ROGDI: variants seen among roughly 807,000 people sequenced by gnomAD.
The protein encoded by ROGDI is rogdi atypical leucine zipper, also known as protein rogdi homolog.
ROGDI carries 46 observed loss-of-function variants against 43.1 expected under a neutral mutation model. The observed-to-expected ratio is 1.07, with a 90% CI of 0.84 to 1.37. ROGDI has a LOEUF of 1.37. ROGDI is among the 40% of genes most tolerant of loss of function. ROGDI has a pLI of 0.00. For missense variants in ROGDI, 518 were observed against 383.9 expected (o/e 1.35, Z -2.92); for synonymous variants, 243 against 162.0 (o/e 1.50, Z -3.80).
intron 2 of ROGDI, 42 bp downstream of exon 2, chr16:4,802,340 G>A (rs940683933): frequency 2.7e-6 from 4 of 1,508,828 alleles, no homozygotes; most frequent in Admixed American, 2.1e-5. Context: ...AAATGAGGAG[G>A]GAGGGCCGCC....
chr16:4,801,658 C>T, intron 2 of ROGDI, 73 bp from the exon 3 acceptor site: 2 of 1,377,386 alleles, frequency 1.5e-6, no homozygotes, highest in South Asian at 2.5e-5. Context: ...TCCAGAAGCC[C>T]CCCTCCCTCC....
At chr16:4,798,849 G>A (rs1353675791) in intron 6 of ROGDI, 182 bp from the exon 7 acceptor site, 1 of 603,078 alleles carries the variant, frequency 1.7e-6, no homozygotes, top group African/African-American at 1.9e-5. Context: ...GAGGAGGGCA[G>A]GATGTCTGCA....
chr16:4,798,999 A>T (rs967938589), intron 6 of ROGDI, among the ~76,000 whole-genome samples: 1 of 152,128 alleles, frequency 6.6e-6, no homozygotes, highest in Admixed American at 6.5e-5. Context: ...GGTTGGTTGT[A>T]AAGGGCCAGA....
intron 5 of ROGDI, among the ~76,000 whole-genome samples, chr16:4,800,124 G>A (rs1445945156): frequency 1.3e-5 from 2 of 152,166 alleles, no homozygotes; most frequent in Non-Finnish European, 2.9e-5. Context: ...GAGGAGGCTG[G>A]GGCCCATTGG....
intron 6 of ROGDI, chr16:4,798,921 G>A: frequency 1.9e-6 from 1 of 527,440 alleles, no homozygotes; most frequent in Admixed American, 3.8e-5. Context: ...GGATCAATGG[G>A]GAATGGAAGG....
intron 6 of ROGDI, 43 bp downstream of exon 6, chr16:4,799,643 A>G (rs1274803229): frequency 6.8e-7 from 1 of 1,470,162 alleles, no homozygotes; most frequent in Admixed American, 1.8e-5. Context: ...CCGGATCAAG[A>G]ACGTGGGACT....
Position 4,801,321 on chromosome 16 carries a change from G to A in ROGDI, c.201C>T (p.Gly67=), listed in dbSNP as rs747598436. Residue 67 remains glycine, a splice_region_variant and synonymous_variant, in exon 4 of 11, where the codon GGC becomes GGT. Coordinates refer to ENST00000322048, the MANE Select transcript of ROGDI (RefSeq NM_024589.3). ...KQENFILGSC[G]TDQVKGVLTL... ...TCAGCACACCCTTCACCTGGTCTGT[G>A]CTGTAACATGTGGCGTCAGAGCGGT... is the stretch of plus-strand genomic sequence containing the variant. 1 of 1,605,802 alleles carries A rather than the reference G, an allele frequency of 6.2e-7. No homozygotes were observed. Among genetic ancestry groups the A allele is most frequent in the Non-Finnish European group, 8.5e-7 (1 of 1,174,092 alleles).
intron 2 of ROGDI, 139 bp from the exon 3 acceptor site, chr16:4,801,724 T>A: frequency 1.3e-6 from 1 of 762,210 alleles, no homozygotes; most frequent in Non-Finnish European, 2.2e-6. Context: ...TCAGCTGGGG[T>A]GGGAAGACCC....
chr16:4,801,482 T>G (rs1410531966), intron 3 of ROGDI, 21 bp downstream of exon 3: 1 of 1,593,648 alleles, frequency 6.3e-7, no homozygotes, highest in East Asian at 2.3e-5. Context: ...TTTCCCCGGT[T>G]TCCGCCTAGC....
At chr16:4,797,906 C>A (rs1347259010) in intron 9 of ROGDI, 32 bp downstream of exon 9, 2 of 1,599,824 alleles carry the variant, frequency 1.3e-6, no homozygotes, top group African/African-American at 2.7e-5. Flanking sequence ...ATGGGGTGGG[C>A]GTGCCTGGAC....
intron 6 of ROGDI, 112 bp downstream of exon 6, chr16:4,799,574 G>A (rs1482677467): frequency 1.3e-5 from 9 of 690,624 alleles, no homozygotes; most frequent in African/African-American, 3.6e-5. Flanking sequence ...CGGCAGGTAA[G>A]TGCTTACAGG....
rs1367620448 is a variant in ROGDI, at chr16:4,801,170, C to T, written c.255+97G>A. The T allele has an allele frequency of 3.0e-6, 3 of 1,008,626 alleles. No individual in the cohort carries two copies. In the South Asian group the frequency reaches 5.0e-5, roughly 17 times the overall value. The allele number at this position is 1,008,626 out of a possible 1,614,324, so 62.5% of individuals were successfully genotyped here. ...AACTGAGGCCAGAGAGATCAAGGGT[C>T]CCGCCCAGAGTCGCAGGGCTTGTAC... On this transcript the variant is annotated intron_variant, in intron 4 of 10. Coordinates refer to ENST00000322048, the MANE Select transcript of ROGDI (RefSeq NM_024589.3).
At chr16:4,800,273 G>A (rs541702453) in intron 5 of ROGDI, among the ~76,000 whole-genome samples, 4 of 152,160 alleles carry the variant, frequency 2.6e-5, no homozygotes, top group Non-Finnish European at 5.9e-5. Context: ...CCACAGTCCC[G>A]ATGTGGCCCT....
chr16:4,797,522 G>T, intron 10 of ROGDI, 21 bp from the exon 11 acceptor site: 1 of 1,610,474 alleles, frequency 6.2e-7, no homozygotes, highest in South Asian at 1.1e-5. Context: ...AGAGGGTGCT[G>T]TAGGTTGCTG....
In ROGDI at chr16:4,802,375, T is replaced by A. The variant is rs1394907212; in HGVS notation, c.117+7A>T. The stretch of plus-strand genomic sequence containing the variant: ...CACGCCCGGCGGGGCAGGGCGCGGG[T>A]CGTTACCTTGAGGATGTCCTGCAGC... On this transcript the variant is annotated splice_region_variant and intron_variant, in intron 2 of 10. Coordinates refer to ENST00000322048, the MANE Select transcript of ROGDI (RefSeq NM_024589.3). 4.7e-5 allele frequency: 74 copies of A among 1,565,448 alleles called. No homozygotes were observed. The highest frequency in any genetic ancestry group is 6.0e-5 in the Non-Finnish European group (70 of 1,160,080).
Position 4,801,560 on chromosome 16 carries a change from G to C in ROGDI, c.143C>G (p.Pro48Arg), listed in dbSNP as rs1217320297. The change falls in exon 3 of 11, where the codon CCG becomes CGG. Residue 48 changes from proline to arginine, a missense_variant. Coordinates refer to ENST00000322048, the MANE Select transcript of ROGDI (RefSeq NM_024589.3). ...LKEASLRFTLPGSGTEGPAKQ... is the reference protein window; with the variant it reads ...LKEASLRFTLRGSGTEGPAKQ... ...GGCGGGCCCCTCAGTGCCGGAGCCCGGCAGAGTGAAGCGCAGAGAGGCCTC... is the reference window on the plus strand; with the variant it reads ...GGCGGGCCCCTCAGTGCCGGAGCCCCGCAGAGTGAAGCGCAGAGAGGCCTC... The C allele has an allele frequency of 6.2e-7, 1 of 1,605,146 alleles. No homozygotes were observed. Among genetic ancestry groups the C allele is most frequent in the Non-Finnish European group, 8.5e-7 (1 of 1,176,110 alleles).
chr16:4,799,598 C>A (rs1008228396), intron 6 of ROGDI, 88 bp downstream of exon 6: 1 of 948,036 alleles, frequency 1.1e-6, no homozygotes, highest in South Asian at 1.5e-5. Context: ...CACAGCTCAA[C>A]GTGGAGGCCC....
intron 6 of ROGDI, 133 bp from the exon 7 acceptor site, chr16:4,798,800 A>G (rs2082685321): frequency 5.5e-6 from 4 of 732,914 alleles, no homozygotes; most frequent in Non-Finnish European, 6.8e-6. Context: ...GGCAGCAGGG[A>G]CCTGTTAAAG....
chr16:4,799,945 G>A (rs1410341274), intron 5 of ROGDI, among the ~76,000 whole-genome samples, 164 bp from the exon 6 acceptor site: 2 of 152,166 alleles, frequency 1.3e-5, no homozygotes, highest in Non-Finnish European at 2.9e-5. Flanking sequence ...GGCATCACCT[G>A]GGGCAGGCCT....
Sources: gnomAD v4.1 joint callset for allele counts (sites outside exome capture counted in the v4.1 genomes callset) on GRCh38, gnomAD v4.1.1 for gene constraint, MANE v1.5 for transcripts, NCBI Gene and HGNC (gene_info 2026-07-23, HGNC 2026-07-21) for gene names.